Variants in SMIM15 observed in about 807,000 individuals in gnomAD.
SMIM15 encodes UPF0542 protein C5orf43.
SMIM15 carries 5 observed loss-of-function variants against 6.8 expected under a neutral mutation model. The ratio of observed to expected loss-of-function variants is 0.74; its 90% CI spans 0.39 to 1.56. SMIM15 has a LOEUF of 1.56. Among genes scored for constraint, SMIM15 ranks in the 40% most tolerant of loss-of-function variants. SMIM15 has a pLI of 0.03. For synonymous variants in SMIM15, 30 were observed against 30.8 expected, an observed-to-expected ratio of 0.97 and a Z score of 0.09; for missense variants, 81 against 84.8, an observed-to-expected ratio of 0.96 and a Z score of 0.18.
chr5:61,158,000 C>CACACACAG lies in SMIM15; in HGVS notation c.*1946_*1947insCTGTGTGT, dbSNP rs1335749517. 1 of 151,366 alleles carries CACACACAG rather than the reference C, an allele frequency of 6.6e-6. No homozygotes were observed. The highest frequency in any genetic ancestry group is 2.4e-5 in the African/African-American group (1 of 41,122). 9.4% of individuals were successfully genotyped at this position (151,366 alleles called of 1,614,324 possible). On this transcript the variant is annotated 3_prime_UTR_variant, in exon 3 of 3. Transcript: ENST00000339020. The stretch of plus-strand genomic sequence containing the variant: ...TATACTCCAGCCCCTTACACACACA[C>CACACACAG]ACACACACACACACACACACACACT...
rs1741349446 is a variant in SMIM15 at position 61,157,895 on chromosome 5, A to G, written c.*2052T>C. The G allele has an allele frequency of 6.6e-6, 1 of 151,970 alleles. No individual in the cohort carries two copies. The highest frequency in any genetic ancestry group is 6.6e-5 in the Admixed American group (1 of 15,244). The allele number at this position is 151,970 out of a possible 1,614,324, so 9.4% of individuals were successfully genotyped here. A position where few individuals can be genotyped will look rare whatever the true frequency, so the allele number is the denominator to read the frequency against. On this transcript the variant is annotated 3_prime_UTR_variant, in exon 3 of 3. Transcript: ENST00000339020. The stretch of plus-strand genomic sequence containing the variant: ...TCTTAAAAGTATTCTAGATAATAGC[A>G]AATGGGATTCTTTAACAACAGTACT...
rs940232177 is a variant in SMIM15, at chr5:61,158,116, G to A, written c.*1831C>T. 8.6e-5 allele frequency: 13 copies of A among 151,534 alleles called. No homozygotes were observed. The highest frequency in any genetic ancestry group is 2.9e-4 in the African/African-American group (12 of 41,228). The allele number at this position is 151,534 out of a possible 1,614,324, so 9.4% of individuals were successfully genotyped here. A position where few individuals can be genotyped will look rare whatever the true frequency, so the allele number is the denominator to read the frequency against. Reference sequence around the variant, plus strand: ...GCATATGTCAAACAAATACAAAACTGGCATGTGTTAAGACTAATAAATTAT... The same window carrying A: ...GCATATGTCAAACAAATACAAAACTAGCATGTGTTAAGACTAATAAATTAT... On this transcript the variant is annotated 3_prime_UTR_variant, in exon 3 of 3. Transcript: ENST00000339020.
chr5:61,160,229 A>G, intron 2 of SMIM15, 30 bp from the exon 3 acceptor site: 1 of 1,506,438 alleles, frequency 6.6e-7, no homozygotes, highest in Non-Finnish European at 9.0e-7. Context: ...AACACAGAGG[A>G]AAAAAACAGG....
At chr5:61,161,803 A>G (rs1278626540) in intron 1 of SMIM15, among the ~76,000 whole-genome samples, 1 of 152,216 alleles carries the variant, frequency 6.6e-6, no homozygotes, top group Non-Finnish European at 1.5e-5. Flanking sequence ...CTGAACACAC[A>G]TGAAAGTGCC....
chr5:61,160,445 T>C (rs498497), intron 2 of SMIM15, among the ~76,000 whole-genome samples: 3 of 152,144 alleles, frequency 2.0e-5, no homozygotes, highest in African/African-American at 7.2e-5. Context: ...TTATAGAAGA[T>C]TTAAAAAAGC....
At chr5:61,160,257 T>C in intron 2 of SMIM15, 58 bp from the exon 3 acceptor site, 1 of 1,316,254 alleles carries the variant, frequency 7.6e-7, no homozygotes, top group Non-Finnish European at 1.0e-6. Context: ...ACTATGTGGT[T>C]AATCAAATTT....
At position 61,158,157 on chromosome 5, in the gene SMIM15, T is replaced by C. The variant is rs1266366813; in HGVS notation, c.*1790A>G. 1 of 152,152 alleles carries C rather than the reference T, an allele frequency of 6.6e-6. No homozygotes were observed. Among genetic ancestry groups the C allele is most frequent in the Admixed American group, 6.5e-5 (1 of 15,272 alleles). The allele number at this position is 152,152 out of a possible 1,614,324, so 9.4% of individuals were successfully genotyped here. ...AATAAATTATAGAAAAACAGACCTT[T>C]AAATACCTTTAAGTTGTTACAACAG... On this transcript the variant is annotated 3_prime_UTR_variant, in exon 3 of 3. Transcript: ENST00000339020.
Position 61,159,990 on chromosome 5 carries a change from C to T in SMIM15, c.182G>A (p.Arg61His), listed in dbSNP as rs769441016. The change falls in exon 3 of 3, where the codon CGC (arginine) becomes CAC (histidine). Residue 61 changes from arginine (R) to histidine (H), a missense_variant. By Grantham distance (29) the Arg-to-His change is conservative. Transcript: ENST00000339020. ...TTTAGCTTTTGCAATGTTTTCTTGGCGTTTTTGCTTCTTCTTTTGCTCCTT... is the reference window on the plus strand; with the variant it reads ...TTTAGCTTTTGCAATGTTTTCTTGGTGTTTTTGCTTCTTCTTTTGCTCCTT... ...REKEQKKKQK[R>H]QENIAKAKRL... The T allele has an allele frequency of 9.9e-6, 16 of 1,613,554 alleles. No individual in the cohort carries two copies. Among genetic ancestry groups the T allele is most frequent in the East Asian group, 2.2e-5 (1 of 44,886 alleles).
chr5:61,161,738 A>G (rs2111849891), intron 1 of SMIM15, among the ~76,000 whole-genome samples: 1 of 152,294 alleles, frequency 6.6e-6, no homozygotes, highest in East Asian at 1.9e-4. Flanking sequence ...CCACAGTCCC[A>G]TTACCCCAAG....
rs1036291520 is a variant in SMIM15 at position 61,160,128 on chromosome 5, G to GC, written c.43dup (p.Ala15GlyfsTer35). On this transcript the variant is annotated frameshift_variant, in exon 3 of 3. Transcript: ENST00000339020. LOFTEE classifies it high-confidence loss of function. ...AAGGAAGCCATAGGGGTCCTTTGCA[G>GC]CCCATTCCACAACATACTCAGCCCA... 6.2e-7 allele frequency: 1 copy of GC among 1,613,982 alleles called. No homozygotes were observed. The highest frequency in any genetic ancestry group is 1.3e-5 in the African/African-American group (1 of 74,894).
chr5:61,161,707 A>G (rs989816632), intron 1 of SMIM15, among the ~76,000 whole-genome samples: 2 of 152,222 alleles, frequency 1.3e-5, no homozygotes, highest in African/African-American at 2.4e-5. Context: ...AGACATAACC[A>G]AACAAATTAT....
In SMIM15 at chr5:61,162,404, C is replaced by T. The variant is rs1351212824; in HGVS notation, c.-356G>A. 6.6e-6 allele frequency: 1 copy of T among 152,538 alleles called. No individual in the cohort carries two copies. The highest frequency in any genetic ancestry group is 6.5e-5 in the Admixed American group (1 of 15,288). The allele number at this position is 152,538 out of a possible 1,614,324, so 9.4% of individuals were successfully genotyped here. A position where few individuals can be genotyped will look rare whatever the true frequency, so the allele number is the denominator to read the frequency against. On this transcript the variant is annotated 5_prime_UTR_variant, in exon 1 of 3. Coordinates refer to ENST00000339020, the MANE Select transcript of SMIM15 (RefSeq NM_001048249.4). This position sits in a 1 kb window ranked among gnomAD's most constrained non-coding sequence, Gnocchi z 4.4. ...CACGGCAGCTGCAGCCACCAACTTC[C>T]CCTACATAGCCCCACGGGATCGGAT...
chr5:61,161,256 CAA>C (rs934387839), intron 1 of SMIM15, 29 bp from the exon 2 acceptor site: 6 of 152,010 alleles, frequency 3.9e-5, no homozygotes, highest in Admixed American at 1.3e-4. Context: ...AAAAATAAAA[CAA>C]AATTTAAGTC....
chr5:61,161,603 T>C (rs1741417714), intron 1 of SMIM15, among the ~76,000 whole-genome samples: 1 of 152,192 alleles, frequency 6.6e-6, no homozygotes, highest in Non-Finnish European at 1.5e-5. Flanking sequence ...CTGGATTAGG[T>C]ACACCACTAC....
chr5:61,160,346 G>T, intron 2 of SMIM15, 147 bp from the exon 3 acceptor site: 1 of 628,058 alleles, frequency 1.6e-6, no homozygotes, highest in African/African-American at 1.8e-5. Context: ...GTACAACTTA[G>T]TACTATTGTA....
chr5:61,159,934 C>G lies in SMIM15; in HGVS notation c.*13G>C, dbSNP rs774011591. The stretch of plus-strand genomic sequence containing the variant: ...AAATGATTTTCCTCTGGTTGCAAAG[C>G]CTGTTCAGTCCTTCAATCCTTTTTT... On this transcript the variant is annotated 3_prime_UTR_variant, in exon 3 of 3. Coordinates refer to ENST00000339020, the MANE Select transcript of SMIM15 (RefSeq NM_001048249.4). 6.2e-6 allele frequency: 10 copies of G among 1,611,550 alleles called. No individual in the cohort carries two copies. The African/African-American group carries it at 1.1e-4, about 17-fold the overall frequency.
chr5:61,160,269 GAA>G (rs1337800964), intron 2 of SMIM15, 70 bp from the exon 3 acceptor site: 2 of 1,207,050 alleles, frequency 1.7e-6, no homozygotes, highest in African/African-American at 1.5e-5. Flanking sequence ...ATCAAATTTT[GAA>G]AAAGTTTCCT....
rs1741387972 is a variant in SMIM15 at position 61,160,129 on chromosome 5, C to T, written c.43G>A (p.Ala15Thr). The T allele has an allele frequency of 1.2e-6, 2 of 1,614,016 alleles. No individual in the cohort carries two copies. The highest frequency in any genetic ancestry group is 1.7e-5 in the Admixed American group (1 of 59,982). Residue 15 changes from alanine to threonine, a missense_variant, in exon 3 of 3, where the codon GCT becomes ACT. Coordinates refer to ENST00000339020, the MANE Select transcript of SMIM15 (RefSeq NM_001048249.4). ...AGGAAGCCATAGGGGTCCTTTGCAG[C>T]CCATTCCACAACATACTCAGCCCAA... ...KAWAEYVVEWAAKDPYGFLTT... is the reference protein window; with the variant it reads ...KAWAEYVVEWTAKDPYGFLTT...
intron 1 of SMIM15, chr5:61,161,934 A>T (rs1031550698): frequency 6.6e-6 from 1 of 152,260 alleles, no homozygotes; most frequent in African/African-American, 2.4e-5. Context: ...TAAACAATGT[A>T]AGTTTCAGAA....
Sources: gnomAD v4.1 joint callset for allele counts (sites outside exome capture counted in the v4.1 genomes callset) on GRCh38, gnomAD v4.1.1 for gene constraint, Gnocchi (gnomAD v3.1) non-coding constraint, MANE v1.5 for transcripts, NCBI Gene and HGNC (gene_info 2026-07-23, HGNC 2026-07-21) for gene names.